Variants in CXADR observed in about 807,000 individuals in gnomAD.
CXADR encodes coxsackievirus and adenovirus receptor.
Under a neutral mutation model 40.3 loss-of-function variants are expected in CXADR, and 20 were observed. That is an observed-to-expected ratio of 0.50 (90% CI 0.35 to 0.72). CXADR has a LOEUF of 0.72. CXADR is among the 30% of genes least tolerant of loss of function. The pLI, the probability that CXADR is intolerant of heterozygous loss-of-function variation, is 0.01. For synonymous variants in CXADR, 150 were observed against 161.3 expected (o/e 0.93, Z 0.53); for missense variants, 332 against 449.1 (o/e 0.74, Z 2.36).
chr21:17,575,434 G>A (rs984143202), intron 7 of CXADR, among the ~76,000 whole-genome samples: 3 of 151,832 alleles, frequency 2.0e-5, no homozygotes, highest in Non-Finnish European at 2.9e-5. Flanking sequence ...CCCCTGCCAC[G>A]GCCTCCTAAG....
chr21:17,599,637 G>A, the CXADR span, among the ~76,000 whole-genome samples: 22 of 152,046 alleles, frequency 1.4e-4, no homozygotes, highest in African/African-American at 5.1e-4. Flanking sequence ...CCACCACCAC[G>A]CCCAGCTAAT....
chr21:17,522,390 C>T (rs796755287), intron 1 of CXADR, among the ~76,000 whole-genome samples: 30 of 152,174 alleles, frequency 2.0e-4, no homozygotes, highest in African/African-American at 7.0e-4. Context: ...TCAGGTGATC[C>T]GCCCGCCTCG....
At chr21:17,527,678 C>G (rs1412691642) in intron 1 of CXADR, among the ~76,000 whole-genome samples, 3 of 152,172 alleles carry the variant, frequency 2.0e-5, no homozygotes, top group Non-Finnish European at 1.5e-5. Context: ...TTATTCCTTC[C>G]ATGCCTTAAC....
At chr21:17,588,237 G>A (rs1444140517) in intron 7 of CXADR, among the ~76,000 whole-genome samples, 1 of 152,084 alleles carries the variant, frequency 6.6e-6, no homozygotes, top group Admixed American at 6.6e-5. Context: ...GGTTCCATAT[G>A]AACTTTAAAG....
rs537864029 is a variant in CXADR at position 17,518,648 on chromosome 21, C to T, written c.43+5476C>T. Reference sequence around the variant, plus strand: ...AAGACTTGCCGTGGGAACTGTTCAGCTAACTTCCTAAGGCTTGTTAAACTG... The same window carrying T: ...AAGACTTGCCGTGGGAACTGTTCAGTTAACTTCCTAAGGCTTGTTAAACTG... On this transcript the variant is annotated intron_variant, in intron 1 of 6. Coordinates refer to ENST00000284878, the MANE Select transcript of CXADR (RefSeq NM_001338.5). 269 of 1,606,688 alleles carry T rather than the reference C, an allele frequency of 1.7e-4. 2 individuals are homozygous for T. The South Asian group carries it at 2.6e-3, about 15-fold the overall frequency.
intron 7 of CXADR, among the ~76,000 whole-genome samples, chr21:17,577,780 A>G (rs1202326271): frequency 6.6e-6 from 1 of 151,724 alleles, no homozygotes; most frequent in African/African-American, 2.4e-5. Context: ...AAAACTTTTT[A>G]CCTGTTGAAT....
the CXADR span, among the ~76,000 whole-genome samples, chr21:17,631,711 G>C: frequency 1.6e-4 from 25 of 152,054 alleles, no homozygotes; most frequent in Non-Finnish European, 3.1e-4. Context: ...TCTTGGTATT[G>C]CTGTCATTTT....
At chr21:17,631,241 C>T in the CXADR span, among the ~76,000 whole-genome samples, 43 of 152,156 alleles carry the variant, frequency 2.8e-4, 1 homozygote, top group East Asian at 8.3e-3. Context: ...ATGTAAAATT[C>T]AGTGGTAAAT....
chr21:17,558,514 G>T (rs1429452450), intron 3 of CXADR, among the ~76,000 whole-genome samples: 2 of 152,132 alleles, frequency 1.3e-5, no homozygotes, highest in Non-Finnish European at 2.9e-5. Context: ...AGTGTTGTTA[G>T]TATTGTTGAT....
In CXADR at chr21:17,559,113, C is replaced by G. The variant is rs1413245053; in HGVS notation, c.553C>G (p.Pro185Ala). The G allele has an allele frequency of 6.2e-7, 1 of 1,613,842 alleles. No individual in the cohort carries two copies. The highest frequency in any genetic ancestry group is 2.2e-5 in the East Asian group (1 of 44,892). Residue 185 changes from proline (P) to alanine (A), a missense_variant, in exon 4 of 7, where the codon CCC (proline) becomes GCC (alanine). This residue lies in a region of CXADR where 20 missense variants were observed against 56.4 expected (regional missense o/e 0.35). Coordinates refer to ENST00000284878, the MANE Select transcript of CXADR (RefSeq NM_001338.5). ...WQKLSDSQKM[P>A]TSWLAEMTSS... Reference sequence around the variant, plus strand: ...AAAATTGTCTGACTCACAGAAAATGCCCACTTCATGGTTAGCAGGTACTGC... The same window carrying G: ...AAAATTGTCTGACTCACAGAAAATGGCCACTTCATGGTTAGCAGGTACTGC...
chr21:17,580,951 A>G (rs915790545), intron 7 of CXADR, among the ~76,000 whole-genome samples: 1 of 152,034 alleles, frequency 6.6e-6, no homozygotes, highest in African/African-American at 2.4e-5. Context: ...AGGTCTCACT[A>G]TGTTGTCCAG....
chr21:17,635,569 A>C, the CXADR span, among the ~76,000 whole-genome samples: 1 of 152,138 alleles, frequency 6.6e-6, no homozygotes, highest in South Asian at 2.1e-4. Context: ...TGAGATCTTA[A>C]AATTTATTTT....
intron 6 of CXADR, among the ~76,000 whole-genome samples, chr21:17,562,200 GTCTTAA>G (rs1411584586): frequency 1.3e-5 from 2 of 151,078 alleles, no homozygotes; most frequent in Non-Finnish European, 3.0e-5. Flanking sequence ...CCCTCAGTGA[GTCTTAA>G]TCTCTCTGCT....
chr21:17,583,550 A>T (rs2123386712), intron 7 of CXADR, among the ~76,000 whole-genome samples: 1 of 152,314 alleles, frequency 6.6e-6, no homozygotes, highest in East Asian at 1.9e-4. Context: ...CAATACTTGA[A>T]ATACGCTACC....
chr21:17,561,556 A>G (rs1160053150), intron 6 of CXADR, 80 bp downstream of exon 6: 2 of 1,228,846 alleles, frequency 1.6e-6, no homozygotes, highest in African/African-American at 1.5e-5. Context: ...CTTATTAACC[A>G]CCCAAAGCAT....
At chr21:17,610,887 G>C in the CXADR span, among the ~76,000 whole-genome samples, 2 of 152,090 alleles carry the variant, frequency 1.3e-5, no homozygotes, top group African/African-American at 4.8e-5. Flanking sequence ...TTTATTCCAA[G>C]TGCAAATTCA....
At chr21:17,608,337 C>A in the CXADR span, among the ~76,000 whole-genome samples, 84 of 151,356 alleles carry the variant, frequency 5.5e-4, no homozygotes, top group Middle Eastern at 3.4e-3. Flanking sequence ...TATACCACTG[C>A]ACTCTAGACT....
chr21:17,560,011 A>G (rs2061093135), intron 4 of CXADR, among the ~76,000 whole-genome samples: 1 of 151,654 alleles, frequency 6.6e-6, no homozygotes, highest in Non-Finnish European at 1.5e-5. Flanking sequence ...CATGATTACA[A>G]CTTAGATGGT....
the CXADR span, among the ~76,000 whole-genome samples, chr21:17,635,993 T>A: frequency 6.6e-6 from 1 of 152,230 alleles, no homozygotes; most frequent in Non-Finnish European, 1.5e-5. Flanking sequence ...TAGTTTTCAG[T>A]GTACAGGTCT....
Sources: allele counts gnomAD v4.1 joint callset (sites outside exome capture counted in the v4.1 genomes callset), GRCh38; gene constraint gnomAD v4.1.1; regional missense constraint gnomAD v4.1.1; transcripts MANE v1.5; gene names NCBI Gene and HGNC (gene_info 2026-07-23, HGNC 2026-07-21).